The following PNP variants were observed in gnomAD, a reference collection of about 807,000 sequenced individuals.
The protein encoded by PNP is purine nucleoside phosphorylase.
PNP carries 18 observed loss-of-function variants against 26.8 expected under a neutral mutation model. The ratio of observed to expected loss-of-function variants is 0.67; its 90% CI spans 0.46 to 1.00. PNP has a LOEUF of 1.00. PNP is among the 50% of genes least tolerant of loss of function. PNP has a pLI of 0.00. For synonymous variants in PNP, 116 were observed against 124.8 expected, an observed-to-expected ratio of 0.93 and a Z score of 0.47; for missense variants, 320 against 362.9, an observed-to-expected ratio of 0.88 and a Z score of 0.96.
intron 2 of PNP, chr14:20,473,793 T>G (rs1882038707): frequency 6.6e-6 from 1 of 152,386 alleles, no homozygotes; most frequent in Non-Finnish European, 1.5e-5. Flanking sequence ...CTTGAACTCC[T>G]GGCCTGTTGA....
chr14:20,473,288 G>A (rs1566524957), intron 2 of PNP: 1 of 152,260 alleles, frequency 6.6e-6, no homozygotes, highest in Non-Finnish European at 1.5e-5. Flanking sequence ...AATAATGGCT[G>A]TTATGTCTGT....
At chr14:20,469,597 C>G (rs536023303) in intron 1 of PNP, 62 bp downstream of exon 1, 4 of 1,548,214 alleles carry the variant, frequency 2.6e-6, no homozygotes, top group Non-Finnish European at 3.5e-6. Context: ...ACCCGGGAAC[C>G]TGGCACACTG....
In PNP at chr14:20,472,510, AGG is replaced by A. The variant is rs763942939; in HGVS notation, c.181+35_181+36del. The A allele has an allele frequency of 2.6e-4, 417 of 1,600,714 alleles. 2 individuals carry two copies. The highest frequency in any genetic ancestry group is 2.5e-3 in the South Asian group (224 of 90,636). ...CAAGGGAAAGTGGGGAATGGGACTG[AGG>A]GATGTTCTTGGAATTCTGTGGAACA... On this transcript the variant is annotated intron_variant, in intron 2 of 5. Transcript: ENST00000361505.
intron 2 of PNP, chr14:20,473,946 G>C (rs1882042410): frequency 5.9e-6 from 1 of 169,070 alleles, no homozygotes; most frequent in Non-Finnish European, 1.3e-5. Flanking sequence ...GGTGACGTCT[G>C]TGCTTTAGTG....
chr14:20,472,504 G>C (rs1566524557), intron 2 of PNP, 27 bp downstream of exon 2: 12 of 1,603,948 alleles, frequency 7.5e-6, no homozygotes, highest in Non-Finnish European at 1.0e-5. Context: ...GTGGGGAATG[G>C]GACTGAGGGA....
At chr14:20,470,024 C>G (rs1434123791) in intron 1 of PNP, among the ~76,000 whole-genome samples, 1 of 152,180 alleles carries the variant, frequency 6.6e-6, no homozygotes, top group Non-Finnish European at 1.5e-5. Context: ...GCCAGTTGCA[C>G]TCCTCCCTTC....
At chr14:20,469,584 G>T in intron 1 of PNP, 49 bp downstream of exon 1, 1 of 1,552,730 alleles carries the variant, frequency 6.4e-7, no homozygotes, top group Non-Finnish European at 8.7e-7. Context: ...GGCAGGTGCT[G>T]TGACCCGGGA....
chr14:20,476,160 C>G (rs996077249), intron 5 of PNP, among the ~76,000 whole-genome samples: 2 of 152,020 alleles, frequency 1.3e-5, no homozygotes, highest in Non-Finnish European at 2.9e-5. Context: ...TTTTTTGAGC[C>G]GAGGTCTCTT....
At chr14:20,470,529 G>T (rs747575502) in intron 1 of PNP, 1 of 151,924 alleles carries the variant, frequency 6.6e-6, no homozygotes, top group South Asian at 2.1e-4. Flanking sequence ...TGAAAGCTTG[G>T]TTAGTTGTGT....
At position 20,475,251 on chromosome 14, in the gene PNP, T is replaced by C. The variant is rs200790798; in HGVS notation, c.651T>C (p.Val217=). The change falls in exon 5 of 6, where the codon GTT becomes GTC. Residue 217 remains valine, a splice_region_variant and synonymous_variant. Coordinates refer to ENST00000361505, the MANE Select transcript of PNP (RefSeq NM_000270.4). Reference sequence around the variant, plus strand: ...TGCAGAAGCTGGGAGCAGACGCTGTTGGTGAGAAGGGGAATTTGGCTGGAA... The same window carrying C: ...TGCAGAAGCTGGGAGCAGACGCTGTCGGTGAGAAGGGGAATTTGGCTGGAA... ...RVLQKLGADA[V]GMSTVPEVIV... is the part of the protein sequence containing the mutation. 1.8e-5 allele frequency: 29 copies of C among 1,610,776 alleles called. No individual in the cohort carries two copies. The highest frequency in any genetic ancestry group is 2.2e-5 in the East Asian group (1 of 44,800).
chr14:20,469,502 A>C lies in PNP; in HGVS notation c.-23A>C. 1 of 1,551,082 alleles carries C rather than the reference A, an allele frequency of 6.4e-7. No individual in the cohort carries two copies. Among genetic ancestry groups the C allele is most frequent in the Non-Finnish European group, 8.7e-7 (1 of 1,147,538 alleles). ...GATCGGAGCACACCGGAGCAGGCTC[A>C]TCGAGAAGGCGTCTGCGAGACCATG... On this transcript the variant is annotated 5_prime_UTR_variant, in exon 1 of 6. Coordinates refer to ENST00000361505, the MANE Select transcript of PNP (RefSeq NM_000270.4).
chr14:20,469,845 G>T, intron 1 of PNP: 1 of 584,934 alleles, frequency 1.7e-6, no homozygotes, highest in Non-Finnish European at 3.1e-6. Flanking sequence ...AGGGGAACAA[G>T]TGGAGAGTGA....
intron 5 of PNP, among the ~76,000 whole-genome samples, chr14:20,475,703 CT>C (rs1882091864): frequency 6.6e-6 from 1 of 151,902 alleles, no homozygotes; most frequent in African/African-American, 2.4e-5. Context: ...CAGGCTGGTC[CT>C]TGAACTCGCG....
chr14:20,474,618 G>A lies in PNP; in HGVS notation c.285+43G>A, dbSNP rs368281409. The A allele has an allele frequency of 4.2e-5, 67 of 1,580,638 alleles. No individual in the cohort carries two copies. The African/African-American group carries it at 7.9e-4, about 19-fold the overall frequency. ...GTCCGGTTGGATCTGGAAGAGGCAG[G>A]AGAGAACTATCTAGCCTCTTTCACT... is the stretch of plus-strand genomic sequence containing the variant. On this transcript the variant is annotated intron_variant, in intron 3 of 5. Coordinates refer to ENST00000361505, the MANE Select transcript of PNP (RefSeq NM_000270.4).
intron 2 of PNP, chr14:20,473,527 C>T (rs956016816): frequency 6.6e-6 from 1 of 152,138 alleles, no homozygotes; most frequent in African/African-American, 2.4e-5. Context: ...GTTTTGAGAA[C>T]TTTGAAAAAT....
chr14:20,472,676 C>T (rs148788891), intron 2 of PNP, 199 bp downstream of exon 2: 35 of 664,992 alleles, frequency 5.3e-5, no homozygotes, highest in East Asian at 1.7e-4. Context: ...AGAGACAGGA[C>T]ATGTGTGTGT....
Position 20,470,211 on chromosome 14 carries a change from A to C in PNP, c.11+676A>C, listed in dbSNP as rs182090843. On this transcript the variant is annotated intron_variant, in intron 1 of 5. Transcript: ENST00000361505. Reference sequence around the variant, plus strand: ...GTCCAAGTGACCTGCATTAGGCATCACAGTTGCTTTTGGATGCCCAGGGAG... The same window carrying C: ...GTCCAAGTGACCTGCATTAGGCATCCCAGTTGCTTTTGGATGCCCAGGGAG... Among the ~76,000 whole-genome samples the C allele has an allele frequency of 3.9e-3, 601 of 152,342 alleles. 4 individuals are homozygous for C. Among genetic ancestry groups the C allele is most frequent in the African/African-American group, 0.013 (542 of 41,592 alleles).
Position 20,474,890 on chromosome 14 carries a change from C to T in PNP, c.403C>T (p.His135Tyr), listed in dbSNP as rs765555618. The T allele has an allele frequency of 1.9e-6, 3 of 1,614,144 alleles. No homozygotes were observed. The highest frequency in any genetic ancestry group is 2.5e-6 in the Non-Finnish European group (3 of 1,180,038). The change falls in exon 4 of 6, where the codon CAT becomes TAT. Residue 135 changes from histidine to tyrosine, a missense_variant. By Grantham distance (83) the His-to-Tyr change is moderately conservative. Transcript: ENST00000361505. ...EVGDIMLIRD[H>Y]INLPGFSGQN... ...TGGAGATATCATGCTGATCCGTGAC[C>T]ATATCAACCTACCTGGTTTCAGTGG... is the stretch of plus-strand genomic sequence containing the variant.
rs903242269 is a variant in PNP at position 20,474,378 on chromosome 14, T to C, written c.182-94T>C. On this transcript the variant is annotated intron_variant, in intron 2 of 5. Transcript: ENST00000361505. ...TTTTACTTAATTACAACCTAACATT[T>C]TGAGCAGAGCGAGTAACTCACAGTA... The C allele has an allele frequency of 1.1e-5, 11 of 1,045,974 alleles. No homozygotes were observed. The African/African-American group carries it at 1.3e-4, about 12-fold the overall frequency. The allele number at this position is 1,045,974 out of a possible 1,614,324, so 64.8% of individuals were successfully genotyped here.
Sources: gnomAD v4.1 joint callset for allele counts (sites outside exome capture counted in the v4.1 genomes callset) on GRCh38, gnomAD v4.1.1 for gene constraint, MANE v1.5 for transcripts, NCBI Gene and HGNC (gene_info 2026-07-23, HGNC 2026-07-21) for gene names.